Variants in DAPK2 observed in about 807,000 individuals in gnomAD.
DAPK2 encodes the protein death associated protein kinase 2, also known as death-associated protein kinase 2.
DAPK2 carries 35 observed loss-of-function variants against 44.1 expected under a neutral mutation model. The ratio of observed to expected loss-of-function variants is 0.79; its 90% CI spans 0.61 to 1.05. DAPK2 has a LOEUF of 1.05. Ranked by LOEUF, DAPK2 falls within the 50% of genes least tolerant of loss-of-function variation. The pLI is 0.00. For synonymous variants in DAPK2, 174 were observed against 182.6 expected, an observed-to-expected ratio of 0.95 and a Z score of 0.38; for missense variants, 453 against 483.2, an observed-to-expected ratio of 0.94 and a Z score of 0.59.
At chr15:63,985,442 C>A (rs886314238) in intron 1 of DAPK2, among the ~76,000 whole-genome samples, 1 of 152,202 alleles carries the variant, frequency 6.6e-6, no homozygotes, top group African/African-American at 2.4e-5. Context: ...AAACACTTGA[C>A]CGAGCTTCCA....
At chr15:64,022,255 T>C (rs1000602415) in intron 1 of DAPK2, among the ~76,000 whole-genome samples, 1 of 152,190 alleles carries the variant, frequency 6.6e-6, no homozygotes, top group Admixed American at 6.5e-5. Flanking sequence ...TACAACACTG[T>C]TATTACTAAA....
At chr15:64,000,358 T>G (rs2079054073) in intron 1 of DAPK2, among the ~76,000 whole-genome samples, 1 of 152,134 alleles carries the variant, frequency 6.6e-6, no homozygotes, top group Admixed American at 6.5e-5. Flanking sequence ...AACAAATACG[T>G]GCACCAAGCA....
At chr15:64,019,286 T>C (rs1321584025) in intron 1 of DAPK2, among the ~76,000 whole-genome samples, 1 of 152,218 alleles carries the variant, frequency 6.6e-6, no homozygotes, top group African/African-American at 2.4e-5. Flanking sequence ...CAGAAAAAAA[T>C]TCTGAAATCT....
intron 1 of DAPK2, among the ~76,000 whole-genome samples, chr15:64,036,309 G>GTATATATATATACATATATATA: frequency 1.7e-5 from 1 of 60,526 alleles, no homozygotes; most frequent in East Asian, 1.1e-3. Flanking sequence ...GTGTGTGTGT[G>GTATATATATATACATATATATA]TATATATATG....
intron 1 of DAPK2, among the ~76,000 whole-genome samples, chr15:64,017,696 T>A (rs2079568616): frequency 6.6e-6 from 1 of 152,238 alleles, no homozygotes; most frequent in South Asian, 2.1e-4. Context: ...TATCCCTGCC[T>A]AACTAGAAAT....
At chr15:63,999,659 A>G (rs1239152259) in intron 1 of DAPK2, among the ~76,000 whole-genome samples, 32 of 152,222 alleles carry the variant, frequency 2.1e-4, no homozygotes, top group Non-Finnish European at 5.9e-5. Context: ...AAGCCTTATA[A>G]TGCAAACAAG....
At chr15:63,994,492 A>G (rs888062660) in intron 1 of DAPK2, among the ~76,000 whole-genome samples, 21 of 145,260 alleles carry the variant, frequency 1.4e-4, no homozygotes, top group Middle Eastern at 3.5e-3. Flanking sequence ...AAGCTAAAAA[A>G]TGTTCCTTAG....
chr15:63,931,437 C>T (rs1331225876), intron 4 of DAPK2, among the ~76,000 whole-genome samples: 4 of 152,136 alleles, frequency 2.6e-5, no homozygotes, highest in Admixed American at 1.3e-4. Flanking sequence ...AATGGGGCCT[C>T]GGCTATGTGG....
intron 3 of DAPK2, among the ~76,000 whole-genome samples, chr15:63,955,998 G>C (rs2077711794): frequency 6.6e-6 from 1 of 152,148 alleles, no homozygotes; most frequent in Non-Finnish European, 1.5e-5. Context: ...GCAGGTTTTG[G>C]ATTTCTTCAT....
At position 64,046,260 on chromosome 15, in the gene DAPK2, C is replaced by G. The variant is rs1420753660; in HGVS notation, c.-7+38G>C. ...GCTGCTGCCGTCAGGCCGCGCGCCC[C>G]GTCCCGCCCATCGAGCCCGCAGACG... On this transcript the variant is annotated intron_variant, in intron 1 of 11. Coordinates refer to the DAPK2 transcript ENST00000457488. This position sits in a 1 kb window ranked among gnomAD's most constrained non-coding sequence, Gnocchi z 5.3. 2 of 934,340 alleles carry G rather than the reference C, an allele frequency of 2.1e-6. No homozygotes were observed. Among genetic ancestry groups the G allele is most frequent in the African/African-American group, 1.8e-5 (1 of 55,964 alleles). The allele number at this position is 934,340 out of a possible 1,614,324, so 57.9% of individuals were successfully genotyped here.
intron 1 of DAPK2, among the ~76,000 whole-genome samples, chr15:64,003,807 C>T (rs142779312): frequency 0.041 from 6,207 of 152,134 alleles, 426 homozygotes; most frequent in African/African-American, 0.14. Flanking sequence ...GGTTTCACCA[C>T]GTTGGTCAGG....
At chr15:63,956,995 G>A (rs1222913829) in intron 3 of DAPK2, among the ~76,000 whole-genome samples, 2 of 152,212 alleles carry the variant, frequency 1.3e-5, no homozygotes, top group African/African-American at 4.8e-5. Flanking sequence ...GAAACGTTCT[G>A]TAAATATCTA....
chr15:63,947,107 T>C (rs1478651461), intron 3 of DAPK2, among the ~76,000 whole-genome samples: 1 of 152,008 alleles, frequency 6.6e-6, no homozygotes, highest in African/African-American at 2.4e-5. Flanking sequence ...ACCTCTCTGC[T>C]ACCTCTTCAT....
intron 1 of DAPK2, among the ~76,000 whole-genome samples, chr15:64,017,548 G>C (rs144018764): frequency 1.1e-3 from 164 of 152,350 alleles, no homozygotes; most frequent in Non-Finnish European, 1.9e-3. Context: ...CACCTTAACA[G>C]GTGCAAACCT....
chr15:63,991,253 G>A, intron 1 of DAPK2: 1 of 456,356 alleles, frequency 2.2e-6, no homozygotes, highest in Non-Finnish European at 4.4e-6. Flanking sequence ...AGTGCGCTGG[G>A]AACTAGATGG....
At chr15:63,915,453 G>A (rs1424830501) in intron 8 of DAPK2, among the ~76,000 whole-genome samples, 1 of 152,232 alleles carries the variant, frequency 6.6e-6, no homozygotes, top group Admixed American at 6.5e-5. Flanking sequence ...CACAAGGAGA[G>A]TTTGCTCAGA....
At chr15:63,968,015 A>C (rs569183550) in intron 3 of DAPK2, among the ~76,000 whole-genome samples, 1 of 152,312 alleles carries the variant, frequency 6.6e-6, no homozygotes, top group South Asian at 2.1e-4. Flanking sequence ...CAGGAGAGGA[A>C]AGTGAAAATC....
intron 4 of DAPK2, among the ~76,000 whole-genome samples, chr15:63,936,933 T>C (rs921277123): frequency 2.0e-5 from 3 of 146,696 alleles, no homozygotes; most frequent in South Asian, 2.1e-4. Context: ...TGAGGTATGA[T>C]TGCATCACTG....
intron 1 of DAPK2, among the ~76,000 whole-genome samples, chr15:64,038,657 T>C (rs1338021513): frequency 1.3e-5 from 2 of 152,112 alleles, no homozygotes; most frequent in East Asian, 1.9e-4. Flanking sequence ...CTCTTCTGGC[T>C]TTGAAGCTCT....
Sources: gnomAD v4.1 joint callset for allele counts (sites outside exome capture counted in the v4.1 genomes callset) on GRCh38, gnomAD v4.1.1 for gene constraint, Gnocchi (gnomAD v3.1) non-coding constraint, MANE v1.5 for transcripts, NCBI Gene and HGNC (gene_info 2026-07-23, HGNC 2026-07-21) for gene names.